The following FRMD6 variants were observed in gnomAD, a reference collection of about 807,000 sequenced individuals.
FRMD6 encodes the protein FERM domain containing 6.
FRMD6 carries 37 observed loss-of-function variants against 73.2 expected under a neutral mutation model. The ratio of observed to expected loss-of-function variants is 0.51; its 90% CI spans 0.39 to 0.66. The LOEUF is 0.66. Ranked by LOEUF, FRMD6 falls within the 30% of genes least tolerant of loss-of-function variation. The pLI is 0.00. For synonymous variants in FRMD6, 273 were observed against 282.2 expected, an observed-to-expected ratio of 0.97 and a Z score of 0.33; for missense variants, 714 against 780.5, an observed-to-expected ratio of 0.91 and a Z score of 1.02.
intron 1 of FRMD6, among the ~76,000 whole-genome samples, chr14:51,491,166 C>T (rs1882980377): frequency 6.6e-6 from 1 of 152,196 alleles, no homozygotes; most frequent in South Asian, 2.1e-4. Context: ...CCTAGGCCCT[C>T]AACAAACATT....
intron 1 of FRMD6, among the ~76,000 whole-genome samples, chr14:51,564,549 G>A (rs977047357): frequency 6.6e-6 from 1 of 152,116 alleles, no homozygotes; most frequent in African/African-American, 2.4e-5. Flanking sequence ...GCTGACCAAG[G>A]GTGGCTTTGA....
At chr14:51,602,423 A>T (rs1890076363) in intron 2 of FRMD6, among the ~76,000 whole-genome samples, 1 of 152,218 alleles carries the variant, frequency 6.6e-6, no homozygotes, top group Non-Finnish European at 1.5e-5. Context: ...TTGCTTTTGT[A>T]TGACACACAG....
rs139056858 is a variant in FRMD6, at chr14:51,640,177, G to A, written c.-146-49514G>A. On this transcript the variant is annotated intron_variant, in intron 2 of 14. Coordinates refer to the FRMD6 transcript ENST00000356218. ...CCCAATCTGAATTAGATGCACTGAC[G>A]TCAATGTCCTTATTGTGACAAAAAG... Among the ~76,000 whole-genome samples the A allele has an allele frequency of 3.2e-3, 486 of 152,274 alleles. 3 individuals are homozygous for A. The highest frequency in any genetic ancestry group is 0.014 in the South Asian group (66 of 4,832).
At chr14:51,546,396 C>A (rs1000271641) in intron 1 of FRMD6, among the ~76,000 whole-genome samples, 1 of 129,422 alleles carries the variant, frequency 7.7e-6, no homozygotes, top group Non-Finnish European at 1.6e-5. Flanking sequence ...AAGAGAAACT[C>A]TTTTTTTTTT....
intron 2 of FRMD6, chr14:51,637,804 A>G (rs1891640365): frequency 6.6e-6 from 1 of 152,242 alleles, no homozygotes; most frequent in Admixed American, 6.5e-5. Flanking sequence ...ACAAGTTGGT[A>G]TCTTTACCTT....
At chr14:51,436,961 T>G in the FRMD6 span, 1 of 927,174 alleles carries the variant, frequency 1.1e-6, no homozygotes. Flanking sequence ...AGAAGATGAC[T>G]AACAGAACAC....
chr14:51,701,283 TCTA>T (rs1896292174), intron 4 of FRMD6, 124 bp downstream of exon 4: 1 of 413,326 alleles, frequency 2.4e-6, no homozygotes, highest in Non-Finnish European at 4.4e-6. Context: ...TTCTACTTTA[TCTA>T]CTAAGTTATA....
chr14:51,551,360 G>A (rs2180784), intron 1 of FRMD6, among the ~76,000 whole-genome samples: 20,931 of 152,072 alleles, frequency 0.14, 1,577 homozygotes, highest in Non-Finnish European at 0.16. Context: ...AATATAGATA[G>A]TAAAAAGGAA....
chr14:51,602,404 A>T (rs914507005), intron 2 of FRMD6, among the ~76,000 whole-genome samples: 5 of 152,222 alleles, frequency 3.3e-5, no homozygotes, highest in African/African-American at 1.2e-4. Flanking sequence ...GCAAGAAAGG[A>T]CCAGTCACTT....
rs1898093499 is a variant in FRMD6, at chr14:51,728,240, A to C, written c.*211A>C. ...AAAGAACTACAGAAAATGTACAGCAAGACAAGTGCCCGGAAGTTCACTGAT... is the reference window on the plus strand; with the variant it reads ...AAAGAACTACAGAAAATGTACAGCACGACAAGTGCCCGGAAGTTCACTGAT... On this transcript the variant is annotated 3_prime_UTR_variant, in exon 14 of 14. Coordinates refer to ENST00000344768, the MANE Select transcript of FRMD6 (RefSeq NM_001267046.2). 3.7e-6 allele frequency: 2 copies of C among 540,470 alleles called. No individual in the cohort carries two copies. Among genetic ancestry groups the C allele is most frequent in the African/African-American group, 3.8e-5 (2 of 53,288 alleles). The allele number at this position is 540,470 out of a possible 1,614,324, so 33.5% of individuals were successfully genotyped here.
the FRMD6 span, chr14:51,436,620 C>A: frequency 1.8e-6 from 1 of 551,522 alleles, no homozygotes; most frequent in Non-Finnish European, 3.3e-6. Flanking sequence ...GAAGAAGCAG[C>A]ATGCGGAACT....
At chr14:51,399,735 T>G in the FRMD6 span, among the ~76,000 whole-genome samples, 1 of 152,204 alleles carries the variant, frequency 6.6e-6, no homozygotes, top group Non-Finnish European at 1.5e-5. Flanking sequence ...CTCAGTATTT[T>G]TATTCTGGTT....
intron 1 of FRMD6, among the ~76,000 whole-genome samples, chr14:51,544,899 G>A (rs1308500627): frequency 4.6e-5 from 7 of 151,848 alleles, no homozygotes; most frequent in Non-Finnish European, 8.8e-5. Context: ...CTACACACAC[G>A]TGTATAAGGA....
At chr14:51,644,648 T>A (rs1315293066) in intron 2 of FRMD6, among the ~76,000 whole-genome samples, 1 of 152,240 alleles carries the variant, frequency 6.6e-6, no homozygotes, top group Admixed American at 6.5e-5. Flanking sequence ...ATTAAGTCTG[T>A]ATTGTACATA....
chr14:51,444,252 A>G, the FRMD6 span, among the ~76,000 whole-genome samples: 1 of 152,194 alleles, frequency 6.6e-6, no homozygotes, highest in Non-Finnish European at 1.5e-5. Context: ...TAACAGAGTA[A>G]GTTTTTCCTG....
At chr14:51,445,474 ATT>A in the FRMD6 span, among the ~76,000 whole-genome samples, 56,741 of 149,390 alleles carry the variant, frequency 0.38, 10,985 homozygotes, top group Non-Finnish European at 0.41. Context: ...CAGAAGTGCA[ATT>A]TTTTTTTTTT....
chr14:51,411,704 C>T, the FRMD6 span, among the ~76,000 whole-genome samples: 1 of 152,078 alleles, frequency 6.6e-6, no homozygotes. Flanking sequence ...TGATTTAGAA[C>T]CAGGAGTTAA....
rs544571585 is a variant in FRMD6 at position 51,729,261 on chromosome 14, G to C, written c.*1232G>C. On this transcript the variant is annotated 3_prime_UTR_variant, in exon 14 of 14. Coordinates refer to ENST00000344768, the MANE Select transcript of FRMD6 (RefSeq NM_001267046.2). ...TTGCCTTTTCTTTTAAAGTTCTCCA[G>C]ATGGAGCTAATATGCAACAAAGTTG... is the stretch of plus-strand genomic sequence containing the variant. 6 of 152,298 alleles carry C rather than the reference G, an allele frequency of 3.9e-5. No individual in the cohort carries two copies. Among genetic ancestry groups the C allele is most frequent in the African/African-American group, 1.4e-4 (6 of 41,564 alleles). 9.4% of individuals were successfully genotyped at this position (152,298 alleles called of 1,614,324 possible). A position where few individuals can be genotyped will look rare whatever the true frequency, so the allele number is the denominator to read the frequency against.
At chr14:51,648,182 CTTAA>C (rs1451707729), upstream of FRMD6, among the ~76,000 whole-genome samples, 2 of 152,148 alleles carry the variant, frequency 1.3e-5, no homozygotes, top group Non-Finnish European at 2.9e-5. Flanking sequence ...ATATGCTAAT[CTTAA>C]TTGTCAACAT....
Sources: allele counts gnomAD v4.1 joint callset (sites outside exome capture counted in the v4.1 genomes callset), GRCh38; gene constraint gnomAD v4.1.1; transcripts MANE v1.5; gene names NCBI Gene and HGNC (gene_info 2026-07-23, HGNC 2026-07-21).